The following THOC5 variants were observed in gnomAD, a reference collection of about 807,000 sequenced individuals.
THOC5 encodes the protein Fms-interacting protein.
THOC5 carries 43 observed loss-of-function variants against 92.9 expected under a neutral mutation model. The observed-to-expected ratio is 0.46, with a 90% CI of 0.36 to 0.60. The LOEUF (loss-of-function observed/expected upper bound fraction) is 0.60, where lower values mean the gene tolerates loss of function less well. Ranked by LOEUF, THOC5 falls within the 20% of genes least tolerant of loss-of-function variation. THOC5 has a pLI of 0.00. For missense variants in THOC5, 659 were observed against 849.4 expected, an observed-to-expected ratio of 0.78 and a Z score of 2.79; for synonymous variants, 296 against 320.1, an observed-to-expected ratio of 0.92 and a Z score of 0.80.
chr22:29,542,602 A>G (rs1199995255), intron 5 of THOC5, among the ~76,000 whole-genome samples: 1 of 152,014 alleles, frequency 6.6e-6, no homozygotes, highest in Non-Finnish European at 1.5e-5. Context: ...CGTCTCTACT[A>G]AAAATACAAA....
At chr22:29,511,420 T>C in intron 18 of THOC5, 124 bp from the exon 19 acceptor site, 5 of 1,015,706 alleles carry the variant, frequency 4.9e-6, no homozygotes, top group Non-Finnish European at 7.1e-6. Context: ...GGCCAGGGGC[T>C]AGGCCATCAG....
At chr22:29,519,212 C>A in intron 14 of THOC5, 92 bp from the exon 15 acceptor site, 2 of 774,846 alleles carry the variant, frequency 2.6e-6, no homozygotes, top group Non-Finnish European at 4.3e-6. Context: ...TCTGCGGCAC[C>A]CTGGATTATC....
chr22:29,511,608 G>C (rs562640955), intron 18 of THOC5, among the ~76,000 whole-genome samples: 63 of 152,370 alleles, frequency 4.1e-4, no homozygotes, highest in African/African-American at 1.5e-3. Context: ...GTGTTCCATG[G>C]CATGTTTGAC....
At chr22:29,545,032 G>C (rs892225062) in intron 2 of THOC5, 1 of 424,804 alleles carries the variant, frequency 2.4e-6, no homozygotes, top group Non-Finnish European at 4.6e-6. Context: ...CCTGAAACTG[G>C]GAACAAAAAG....
chr22:29,528,131 T>C lies in THOC5; in HGVS notation c.1013A>G (p.Lys338Arg). Residue 338 changes from lysine to arginine, a missense_variant, in exon 11 of 20, where the codon AAG becomes AGG. Coordinates refer to ENST00000490103, the MANE Select transcript of THOC5 (RefSeq NM_003678.5). ...CAGTGGGTGCCTCTTCAGCATCTCC[T>C]TGCGTTTGTCGTCCAACTGAACCCC... ...TLGVQLDDKR[K>R]EMLKRHPLSV... 1.2e-6 allele frequency: 2 copies of C among 1,614,172 alleles called. No individual in the cohort carries two copies. The highest frequency in any genetic ancestry group is 2.2e-5 in the East Asian group (1 of 44,882).
At chr22:29,522,594 G>T (rs1465714683) in intron 12 of THOC5, among the ~76,000 whole-genome samples, 1 of 151,960 alleles carries the variant, frequency 6.6e-6, no homozygotes, top group Non-Finnish European at 1.5e-5. Flanking sequence ...TGGTAAAAAT[G>T]ATGAACATAA....
rs2063222071 is a variant in THOC5 at position 29,511,517 on chromosome 22, A to G, written c.1798-221T>C. 4.4e-5 allele frequency: 24 copies of G among 540,874 alleles called. 1 individual carries two copies. In the South Asian group the frequency reaches 6.7e-4, roughly 15 times the overall value. The allele number at this position is 540,874 out of a possible 1,614,324, so 33.5% of individuals were successfully genotyped here. ...TGACCCATAGCTTTCCCTGCCTCAT[A>G]TGCCCACAGCCAGGAAAACAGAGGT... is the stretch of plus-strand genomic sequence containing the variant. On this transcript the variant is annotated intron_variant, in intron 18 of 19. Transcript: ENST00000490103.
In THOC5 at chr22:29,531,150, G is replaced by A. The variant is rs371794641; in HGVS notation, c.847+681C>T. 2.8e-3 allele frequency: 3,254 copies of A among 1,145,602 alleles called. 127 individuals carry two copies. The South Asian group carries it at 0.058, about 20-fold the overall frequency. 71.0% of individuals were successfully genotyped at this position (1,145,602 alleles called of 1,614,324 possible). On this transcript the variant is annotated intron_variant, in intron 8 of 19. Coordinates refer to ENST00000490103, the MANE Select transcript of THOC5 (RefSeq NM_003678.5). Reference sequence around the variant, plus strand: ...AGGAGGGAGAACAAAGGGGAGGGGAGGACCAGAAGGACGAGGAAGACACAA... The same window carrying A: ...AGGAGGGAGAACAAAGGGGAGGGGAAGACCAGAAGGACGAGGAAGACACAA...
At chr22:29,517,620 A>G (rs1381813374) in intron 15 of THOC5, among the ~76,000 whole-genome samples, 1 of 152,260 alleles carries the variant, frequency 6.6e-6, no homozygotes. Context: ...AATGCAAATG[A>G]TAGCCTGCCA....
chr22:29,513,594 G>A (rs527647347), intron 17 of THOC5, among the ~76,000 whole-genome samples: 191 of 152,006 alleles, frequency 1.3e-3, no homozygotes, highest in African/African-American at 4.2e-3. Context: ...AGGCCAAGAC[G>A]GGAGGGTCAC....
chr22:29,553,282 A>G (rs1477095258), intron 1 of THOC5, among the ~76,000 whole-genome samples: 1 of 152,234 alleles, frequency 6.6e-6, no homozygotes, highest in Non-Finnish European at 1.5e-5. Flanking sequence ...ACGGTAGTAG[A>G]GGTGGTAAGT....
intron 6 of THOC5, among the ~76,000 whole-genome samples, chr22:29,537,083 A>T (rs1213157772): frequency 1.3e-5 from 2 of 152,218 alleles, no homozygotes; most frequent in African/African-American, 2.4e-5. Context: ...CTCTGTAACC[A>T]CTAGGGAATA....
At chr22:29,519,948 T>G in intron 14 of THOC5, 60 bp downstream of exon 14, 1 of 1,445,112 alleles carries the variant, frequency 6.9e-7, no homozygotes, top group Admixed American at 1.8e-5. Context: ...CTTTCTAGAG[T>G]CTATACAGGA....
chr22:29,521,486 G>A (rs1403116428), intron 12 of THOC5, among the ~76,000 whole-genome samples: 1 of 152,114 alleles, frequency 6.6e-6, no homozygotes, highest in African/African-American at 2.4e-5. Flanking sequence ...GGGGAGCAAA[G>A]TCCCATGACA....
At chr22:29,543,282 A>T in intron 4 of THOC5, 147 bp downstream of exon 4, 1 of 567,350 alleles carries the variant, frequency 1.8e-6, no homozygotes, top group Non-Finnish European at 3.0e-6. Flanking sequence ...TGGGAGGCAG[A>T]GGATGTGGTG....
chr22:29,516,951 C>T, intron 17 of THOC5, 78 bp downstream of exon 17: 1 of 1,435,158 alleles, frequency 7.0e-7, no homozygotes, highest in East Asian at 2.3e-5. Flanking sequence ...GGATCTTCTG[C>T]TTTGGGCAGC....
rs756194582 is a variant in THOC5 at position 29,520,156 on chromosome 22, T to A, written c.1278-52A>T. On this transcript the variant is annotated intron_variant, in intron 13 of 19. Transcript: ENST00000490103. ...GTGCTGTAAGTCATTTCTGCTGTGG[T>A]CCCAGGATACAGCCTCCTCCCACCC... The A allele has an allele frequency of 3.3e-6, 5 of 1,515,838 alleles. No homozygotes were observed. The African/African-American group carries it at 6.8e-5, about 21-fold the overall frequency. 93.9% of individuals were successfully genotyped at this position (1,515,838 alleles called of 1,614,324 possible).
Position 29,549,064 on chromosome 22 carries a change from A to G in THOC5, c.84T>C (p.Ser28=). The change falls in exon 2 of 20, where the codon TCT becomes TCC. Residue 28 remains serine (S), a synonymous_variant. Coordinates refer to ENST00000490103, the MANE Select transcript of THOC5 (RefSeq NM_003678.5). ...TGACTGATCTCACCTGCTCGGTGTC[A>G]GATCGATTCCGCTTTCCTTCAGCTG... ...GAPAEGKRNR[S]DTEQEGKYYS... The G allele has an allele frequency of 9.3e-6, 15 of 1,614,110 alleles. No homozygotes were observed. The highest frequency in any genetic ancestry group is 1.3e-5 in the Non-Finnish European group (15 of 1,180,004).
chr22:29,519,038 C>A lies in THOC5; in HGVS notation c.1457G>T (p.Arg486Leu). The A allele has an allele frequency of 6.2e-7, 1 of 1,608,364 alleles. No individual in the cohort carries two copies. The highest frequency in any genetic ancestry group is 8.5e-7 in the Non-Finnish European group (1 of 1,177,288). ...MKLLKTRVQS[R>L]LALHKQFASL... Reference sequence around the variant, plus strand: ...TGCAAACTGTTTGTGGAGGGCCAGGCGGGACTGCACCCTGGTCTTCAGAAG... The same window carrying A: ...TGCAAACTGTTTGTGGAGGGCCAGGAGGGACTGCACCCTGGTCTTCAGAAG... The change falls in exon 15 of 20, where the codon CGC becomes CTC. Residue 486 changes from arginine (R) to leucine (L), a missense_variant. By Grantham distance (102) the Arg-to-Leu change is moderately radical (BLOSUM62 -2). Transcript: ENST00000490103.
Sources: allele counts gnomAD v4.1 joint callset (sites outside exome capture counted in the v4.1 genomes callset), GRCh38; gene constraint gnomAD v4.1.1; transcripts MANE v1.5; gene names NCBI Gene and HGNC (gene_info 2026-07-23, HGNC 2026-07-21).